Variants in HRH2 observed in about 807,000 individuals in gnomAD.
HRH2 encodes the protein histamine H2 receptor.
HRH2 carries 4 observed loss-of-function variants against 20.1 expected under a neutral mutation model. That is an observed-to-expected ratio of 0.20 (90% CI 0.10 to 0.45). The LOEUF is 0.45. Ranked by LOEUF, HRH2 falls within the 20% of genes least tolerant of loss-of-function variation. HRH2 has a pLI of 0.99. For synonymous variants in HRH2, 197 were observed against 200.7 expected (o/e 0.98, Z 0.16); for missense variants, 250 against 461.6 (o/e 0.54, Z 4.20).
At chr5:175,688,799 A>C (rs1756264846) in intron 2 of HRH2, among the ~76,000 whole-genome samples, 1 of 152,222 alleles carries the variant, frequency 6.6e-6, no homozygotes, top group South Asian at 2.1e-4. Context: ...TGAGGTGTGA[A>C]GCAAGCTCAG....
At position 175,708,073 on chromosome 5, in the gene HRH2, G is replaced by T; in HGVS notation, c.*102G>T. On this transcript the variant is annotated 3_prime_UTR_variant, in exon 3 of 3. Transcript: ENST00000636584. ...CCAAAGCCACCAAGGACTCACCCTG[G>T]ACTGAATCTGGGGGCTCCCAGAACA... The T allele has an allele frequency of 2.5e-6, 1 of 398,246 alleles. No homozygotes were observed. Among genetic ancestry groups the T allele is most frequent in the South Asian group, 1.4e-4 (1 of 7,242 alleles). 24.7% of individuals were successfully genotyped at this position (398,246 alleles called of 1,614,324 possible). A position where few individuals can be genotyped will look rare whatever the true frequency, so the allele number is the denominator to read the frequency against.
rs1474088598 is a variant in HRH2, at chr5:175,677,993, ATGTTCACCCAGTTACCT to A, written c.-525-4710_-525-4694del. Among the ~76,000 whole-genome samples the A allele has an allele frequency of 6.6e-6, 1 of 152,222 alleles. No individual in the cohort carries two copies. The highest frequency in any genetic ancestry group is 2.4e-5 in the African/African-American group (1 of 41,462). On this transcript the variant is annotated intron_variant, in intron 1 of 2. Transcript: ENST00000636584. This position sits in a 1 kb window ranked among gnomAD's most constrained non-coding sequence, Gnocchi z 4.2. ...GTTCTCTCTGGAATCAGCTGGTCCC[ATGTTCACCCAGTTACCT>A]TGTTCCCATCTGTACCGATCTCAAC...
intron 1 of HRH2, among the ~76,000 whole-genome samples, chr5:175,661,750 A>C (rs1445054844): frequency 6.6e-6 from 1 of 152,220 alleles, no homozygotes; most frequent in Non-Finnish European, 1.5e-5. Context: ...GGCTGGACAC[A>C]GTGGCTCACG....
At chr5:175,690,078 C>T (rs1215936039) in intron 2 of HRH2, among the ~76,000 whole-genome samples, 2 of 152,244 alleles carry the variant, frequency 1.3e-5, no homozygotes, top group Non-Finnish European at 1.5e-5. Context: ...AGCTTGTTAA[C>T]TTATACATCC....
At chr5:175,698,191 G>A (rs939093259) in intron 2 of HRH2, among the ~76,000 whole-genome samples, 1 of 152,240 alleles carries the variant, frequency 6.6e-6, no homozygotes, top group African/African-American at 2.4e-5. Context: ...TTTTTACACT[G>A]CAGCAATTAA....
At chr5:175,690,646 G>A (rs1756338470) in intron 2 of HRH2, among the ~76,000 whole-genome samples, 1 of 152,084 alleles carries the variant, frequency 6.6e-6, no homozygotes, top group African/African-American at 2.4e-5. Flanking sequence ...GTGGACAGTT[G>A]GGTGGTTTCT....
At chr5:175,675,302 T>G (rs1755717736) in intron 1 of HRH2, among the ~76,000 whole-genome samples, 1 of 152,164 alleles carries the variant, frequency 6.6e-6, no homozygotes, top group South Asian at 2.1e-4. Context: ...CTGCTACCAG[T>G]TCCCTGGGTG....
At chr5:175,672,861 G>A (rs1190311106) in intron 1 of HRH2, among the ~76,000 whole-genome samples, 1 of 152,214 alleles carries the variant, frequency 6.6e-6, no homozygotes, top group Admixed American at 6.5e-5. Context: ...CCTCGGCAGA[G>A]CTGATGTGTG....
intron 1 of HRH2, among the ~76,000 whole-genome samples, chr5:175,678,919 A>G (rs1201773136): frequency 6.6e-6 from 1 of 152,206 alleles, no homozygotes; most frequent in Non-Finnish European, 1.5e-5. Context: ...ATAAACGTGG[A>G]GGGGGAGCAC....
At chr5:175,702,032 C>T (rs751405399) in intron 2 of HRH2, among the ~76,000 whole-genome samples, 4 of 152,154 alleles carry the variant, frequency 2.6e-5, no homozygotes, top group Non-Finnish European at 5.9e-5. Context: ...GTAATCTGTA[C>T]TAGAGTCTAC....
chr5:175,671,966 CAGAAGGGGTTCCTGA>C (rs1755560357), intron 1 of HRH2, among the ~76,000 whole-genome samples: 1 of 152,086 alleles, frequency 6.6e-6, no homozygotes, highest in African/African-American at 2.4e-5. Context: ...TGGGGTGCTA[CAGAAGGGGTTCCTGA>C]ACATGAGGAG....
rs376957265 is a variant in HRH2 at position 175,683,187 on chromosome 5, A to C, written c.-47A>C. On this transcript the variant is annotated 5_prime_UTR_variant, in exon 2 of 3. Transcript: ENST00000636584. The stretch of plus-strand genomic sequence containing the variant: ...AGTTGTCACATTGGGAGCAGAGAAG[A>C]AGCAACCAGGGGCCCTGATCAGGGG... 1.0e-4 allele frequency: 161 copies of C among 1,575,908 alleles called. No homozygotes were observed. The African/African-American group carries it at 1.9e-3, about 19-fold the overall frequency.
intron 1 of HRH2, among the ~76,000 whole-genome samples, chr5:175,672,967 G>T (rs1755608591): frequency 6.6e-6 from 1 of 151,768 alleles, no homozygotes; most frequent in Non-Finnish European, 1.5e-5. Context: ...GCAAGGTTAG[G>T]GGGGCCAGTG....
intron 1 of HRH2, among the ~76,000 whole-genome samples, chr5:175,659,947 C>G (rs1762687124): frequency 6.6e-6 from 1 of 152,218 alleles, no homozygotes; most frequent in African/African-American, 2.4e-5. Flanking sequence ...CCCAGCCCAC[C>G]AATTTCTTTG....
chr5:175,685,425 C>A (rs545484904), intron 2 of HRH2: 4 of 1,551,090 alleles, frequency 2.6e-6, no homozygotes, highest in Admixed American at 2.0e-5. Flanking sequence ...GCTTTGCCTT[C>A]CAGAATGCTG....
chr5:175,680,121 G>A (rs1445431295), intron 1 of HRH2, among the ~76,000 whole-genome samples: 1 of 152,216 alleles, frequency 6.6e-6, no homozygotes, highest in African/African-American at 2.4e-5. Context: ...TCTTCCCCCT[G>A]CAGTTGGCAG....
At chr5:175,695,209 C>T (rs749137603) in intron 2 of HRH2, among the ~76,000 whole-genome samples, 1 of 152,090 alleles carries the variant, frequency 6.6e-6, no homozygotes, top group Non-Finnish European at 1.5e-5. Flanking sequence ...TGCTGACCAT[C>T]GCCGCCCTGG....
intron 1 of HRH2, among the ~76,000 whole-genome samples, chr5:175,660,267 A>G (rs1762700428): frequency 6.6e-6 from 1 of 152,230 alleles, no homozygotes; most frequent in Admixed American, 6.5e-5. Context: ...AAAATGTTTT[A>G]AAGAAGAGGA....
At chr5:175,676,443 T>C (rs1379655193) in intron 1 of HRH2, among the ~76,000 whole-genome samples, 3 of 152,214 alleles carry the variant, frequency 2.0e-5, no homozygotes, top group East Asian at 3.9e-4. Flanking sequence ...TCTCTTCCTG[T>C]GTCTGAACTT....
Sources: gnomAD v4.1 joint callset for allele counts (sites outside exome capture counted in the v4.1 genomes callset) on GRCh38, gnomAD v4.1.1 for gene constraint, Gnocchi (gnomAD v3.1) non-coding constraint, MANE v1.5 for transcripts, NCBI Gene and HGNC (gene_info 2026-07-23, HGNC 2026-07-21) for gene names.